Variants in SAXO1 observed in about 807,000 individuals in gnomAD.
SAXO1 encodes 4930500O09Rik.
A neutral mutation model predicts 17.5 loss-of-function variants in SAXO1; 21 were observed. The ratio of observed to expected loss-of-function variants is 1.20; its 90% CI spans 0.85 to 1.72. The LOEUF is 1.72. Ranked by LOEUF, SAXO1 falls within the 40% of genes most tolerant of loss-of-function variation. The pLI, the probability that SAXO1 is intolerant of heterozygous loss-of-function variation, is 0.00. For synonymous variants in SAXO1, 274 were observed against 216.5 expected (o/e 1.27, Z -2.33); for missense variants, 843 against 596.0 (o/e 1.41, Z -4.32).
intron 1 of SAXO1, among the ~76,000 whole-genome samples, chr9:18,959,665 C>T (rs140825819): frequency 1.3e-5 from 2 of 151,552 alleles, no homozygotes; most frequent in Non-Finnish European, 1.5e-5. Context: ...CAGCTACTTG[C>T]GAGGCTGAGG....
chr9:19,047,984 T>C (rs1836262154), intron 1 of SAXO1, among the ~76,000 whole-genome samples: 1 of 152,194 alleles, frequency 6.6e-6, no homozygotes, highest in African/African-American at 2.4e-5. Flanking sequence ...TGAAACTGAA[T>C]ACATTGAGAG....
chr9:18,962,158 C>A (rs1297149781), intron 1 of SAXO1, among the ~76,000 whole-genome samples: 1 of 152,180 alleles, frequency 6.6e-6, no homozygotes, highest in Non-Finnish European at 1.5e-5. Flanking sequence ...ACCTCCACCT[C>A]CTAGGTTCAA....
At chr9:18,958,132 A>G (rs1832329025) in intron 1 of SAXO1, among the ~76,000 whole-genome samples, 1 of 152,166 alleles carries the variant, frequency 6.6e-6, no homozygotes, top group South Asian at 2.1e-4. Context: ...GGGATCATAA[A>G]CCAGATCCTA....
At chr9:18,982,753 T>G (rs796456179) in intron 1 of SAXO1, among the ~76,000 whole-genome samples, 1 of 152,258 alleles carries the variant, frequency 6.6e-6, no homozygotes, top group Non-Finnish European at 1.5e-5. Flanking sequence ...TAACTGCTTT[T>G]GAAGACTTGC....
At chr9:19,042,972 G>A (rs541510110) in intron 1 of SAXO1, among the ~76,000 whole-genome samples, 18 of 151,990 alleles carry the variant, frequency 1.2e-4, no homozygotes, top group African/African-American at 4.1e-4. Context: ...GGGAGTTTGA[G>A]ACCACGCTGG....
intron 1 of SAXO1, chr9:19,027,247 C>T (rs770226883): frequency 8.7e-5 from 92 of 1,062,538 alleles, no homozygotes; most frequent in Non-Finnish European, 1.2e-4. Context: ...TACTTCCTAC[C>T]TGTGATTGGA....
intron 1 of SAXO1, among the ~76,000 whole-genome samples, chr9:19,048,677 G>C (rs1224047576): frequency 6.6e-6 from 1 of 152,216 alleles, no homozygotes; most frequent in African/African-American, 2.4e-5. Context: ...TCATCATTTA[G>C]TATCTGTGTA....
chr9:18,988,325 A>G (rs1192153488), intron 1 of SAXO1, among the ~76,000 whole-genome samples: 1 of 152,254 alleles, frequency 6.6e-6, no homozygotes, highest in East Asian at 1.9e-4. Flanking sequence ...AACAGAACAT[A>G]TAAGCATAAA....
At chr9:18,962,739 C>T (rs554899427) in intron 1 of SAXO1, among the ~76,000 whole-genome samples, 146 of 152,306 alleles carry the variant, frequency 9.6e-4, no homozygotes, top group African/African-American at 3.3e-3. Flanking sequence ...AAAATTTTCT[C>T]CCTTTCAGTA....
chr9:18,995,309 GCAT>G, intron 1 of SAXO1, among the ~76,000 whole-genome samples: 1 of 152,268 alleles, frequency 6.6e-6, no homozygotes, highest in Non-Finnish European at 1.5e-5. Context: ...GCTGAAGCTG[GCAT>G]CAGCCAGTCT....
At chr9:19,026,910 GAGGCCAAGCA>G in intron 1 of SAXO1, 1 of 759,318 alleles carries the variant, frequency 1.3e-6, no homozygotes, top group East Asian at 2.9e-5. Flanking sequence ...CGTGTGGGAT[GAGGCCAAGCA>G]AGATGGAACT....
chr9:18,941,556 T>C (rs960817439), intron 3 of SAXO1, 81 bp downstream of exon 3: 22 of 1,510,944 alleles, frequency 1.5e-5, no homozygotes, highest in Admixed American at 6.8e-5. Flanking sequence ...ACTAACTGAG[T>C]ATGCACATAA....
At position 18,972,182 on chromosome 9, in the gene SAXO1, T is replaced by C. The variant is rs144278982; in HGVS notation, c.39-21245A>G. 2.3e-3 allele frequency among the ~76,000 whole-genome samples: 355 copies of C among 152,330 alleles called. 1 individual carries two copies. The highest frequency in any genetic ancestry group is 8.1e-3 in the African/African-American group (337 of 41,586). ...GGTGTTAGGAGAAAACAGGCAGATA[T>C]ACACATACAATGGGCATTCATTCCA... is the stretch of plus-strand genomic sequence containing the variant. On this transcript the variant is annotated intron_variant, in intron 1 of 3. Coordinates refer to ENST00000380534, the MANE Select transcript of SAXO1 (RefSeq NM_153707.4).
intron 1 of SAXO1, among the ~76,000 whole-genome samples, chr9:19,016,414 C>A (rs569477066): frequency 7.3e-5 from 11 of 150,016 alleles, no homozygotes; most frequent in Middle Eastern, 3.4e-3. Flanking sequence ...CCAGCATGGG[C>A]GACAGAGCAA....
chr9:19,016,385 G>C (rs1410592655), intron 1 of SAXO1, among the ~76,000 whole-genome samples: 1 of 152,174 alleles, frequency 6.6e-6, no homozygotes, highest in East Asian at 1.9e-4. Flanking sequence ...GTAGTGAGCC[G>C]AGATTGCGCT....
At chr9:18,987,479 A>C (rs548392669) in intron 1 of SAXO1, among the ~76,000 whole-genome samples, 6 of 152,224 alleles carry the variant, frequency 3.9e-5, no homozygotes, top group Non-Finnish European at 7.3e-5. Flanking sequence ...AGGCAAGGAA[A>C]TATGATCCAG....
intron 1 of SAXO1, among the ~76,000 whole-genome samples, chr9:18,962,633 C>T (rs960125570): frequency 6.7e-6 from 1 of 149,632 alleles, no homozygotes; most frequent in Admixed American, 6.7e-5. Context: ...CTGTTCATAT[C>T]GTTCACCCAC....
At chr9:19,004,487 C>A (rs556355480) in intron 1 of SAXO1, among the ~76,000 whole-genome samples, 1 of 152,284 alleles carries the variant, frequency 6.6e-6, no homozygotes, top group South Asian at 2.1e-4. Flanking sequence ...CAATAATAGA[C>A]TGGATAAAGA....
At chr9:18,986,503 T>C (rs1043922094) in intron 1 of SAXO1, among the ~76,000 whole-genome samples, 5 of 152,204 alleles carry the variant, frequency 3.3e-5, no homozygotes, top group South Asian at 2.1e-4. Flanking sequence ...AGATTTAAGA[T>C]GAATGATAGT....
Sources: gnomAD v4.1 joint callset for allele counts (sites outside exome capture counted in the v4.1 genomes callset) on GRCh38, gnomAD v4.1.1 for gene constraint, MANE v1.5 for transcripts, NCBI Gene and HGNC (gene_info 2026-07-23, HGNC 2026-07-21) for gene names.